CDH13: variants seen among roughly 807,000 people sequenced by gnomAD.
CDH13 encodes cadherin-13.
A neutral mutation model predicts 63.8 loss-of-function variants in CDH13; 24 were observed. That is an observed-to-expected ratio of 0.38 (90% CI 0.27 to 0.53). The LOEUF is 0.53. Ranked by LOEUF, CDH13 falls within the 20% of genes least tolerant of loss-of-function variation. The pLI, the probability that CDH13 is intolerant of heterozygous loss-of-function variation, is 0.85. For synonymous variants in CDH13, 503 were observed against 355.3 expected (o/e 1.42, Z -4.67); for missense variants, 1,049 against 903.1 (o/e 1.16, Z -2.07).
chr16:82,850,564 C>A (rs1424695607), intron 1 of CDH13, among the ~76,000 whole-genome samples: 1 of 152,146 alleles, frequency 6.6e-6, no homozygotes, highest in African/African-American at 2.4e-5. Context: ...GATAAAGCAG[C>A]AGCAGGGTTT....
intron 1 of CDH13, among the ~76,000 whole-genome samples, chr16:82,745,624 C>T (rs2034127334): frequency 6.6e-6 from 1 of 152,064 alleles, no homozygotes; most frequent in African/African-American, 2.4e-5. Context: ...CTTACTGTAC[C>T]ATATGTATGT....
intron 2 of CDH13, among the ~76,000 whole-genome samples, chr16:82,906,521 G>A (rs1277765212): frequency 6.6e-6 from 1 of 152,182 alleles, no homozygotes; most frequent in Non-Finnish European, 1.5e-5. Flanking sequence ...GGGGAGAATG[G>A]ACTGTGACAA....
intron 5 of CDH13, among the ~76,000 whole-genome samples, chr16:83,230,154 G>C (rs905509880): frequency 7.9e-5 from 12 of 152,150 alleles, no homozygotes; most frequent in African/African-American, 2.4e-4. Flanking sequence ...AGTCGTGAAT[G>C]CATTTTCTAT....
At chr16:83,345,943 T>C (rs2090830120) in intron 6 of CDH13, among the ~76,000 whole-genome samples, 1 of 152,054 alleles carries the variant, frequency 6.6e-6, no homozygotes, top group Non-Finnish European at 1.5e-5. Context: ...ATTGATGGGA[T>C]CTATCAGTGA....
At chr16:83,544,145 A>C (rs565101393) in intron 7 of CDH13, among the ~76,000 whole-genome samples, 1 of 152,332 alleles carries the variant, frequency 6.6e-6, no homozygotes, top group Non-Finnish European at 1.5e-5. Context: ...TCCCACTCGC[A>C]GTGTCTCTGA....
At chr16:82,855,950 T>C (rs2039666786) in intron 1 of CDH13, among the ~76,000 whole-genome samples, 2 of 152,196 alleles carry the variant, frequency 1.3e-5, no homozygotes, top group Admixed American at 1.3e-4. Context: ...TGATAATGAA[T>C]TTTCTTCAAC....
At position 83,319,328 on chromosome 16, in the gene CDH13, G is replaced by A. The variant is rs543879763; in HGVS notation, c.637-25534G>A. 5.3e-5 allele frequency among the ~76,000 whole-genome samples: 8 copies of A among 152,198 alleles called. No individual in the cohort carries two copies. In the South Asian group the frequency reaches 1.7e-3, roughly 32 times the overall value. On this transcript the variant is annotated intron_variant, in intron 5 of 13. Transcript: ENST00000567109. Reference sequence around the variant, plus strand: ...TCCTTCCGAAGGCGTTTATTCCTCGGTGTTTCTCTGCCAGCAAAGGTAGCA... The same window carrying A: ...TCCTTCCGAAGGCGTTTATTCCTCGATGTTTCTCTGCCAGCAAAGGTAGCA...
At chr16:83,321,525 A>ATTT (rs10672316) in intron 5 of CDH13, among the ~76,000 whole-genome samples, 15,521 of 103,546 alleles carry the variant, frequency 0.15, 1,733 homozygotes, top group East Asian at 0.17. Context: ...GAAATCTGGA[A>ATTT]TTTTTTTTTT....
intron 3 of CDH13, among the ~76,000 whole-genome samples, chr16:83,124,305 C>A (rs1220190991): frequency 6.6e-6 from 1 of 152,204 alleles, no homozygotes; most frequent in East Asian, 1.9e-4. Context: ...CCTGGCCTCC[C>A]AAAGTGCTGG....
intron 2 of CDH13, among the ~76,000 whole-genome samples, chr16:82,967,410 A>C (rs1299109351): frequency 2.0e-5 from 3 of 152,070 alleles, no homozygotes; most frequent in African/African-American, 7.2e-5. Flanking sequence ...CTCCCTGGGG[A>C]CTGAGCTCAT....
rs145684192 is a variant in CDH13 at position 83,046,996 on chromosome 16, T to A, written c.366+14778T>A. ...ATGGAAATCAGATGGTTTCCTCAAC[T>A]GTCTATCTTTCTGCAGCAAATCCTT... On this transcript the variant is annotated intron_variant, in intron 3 of 13. Transcript: ENST00000567109. Among the ~76,000 whole-genome samples the A allele has an allele frequency of 2.0e-3, 310 of 152,352 alleles. 1 individual carries two copies. Among genetic ancestry groups the A allele is most frequent in the Non-Finnish European group, 3.3e-3 (227 of 68,032 alleles).
chr16:82,965,043 T>C (rs1241293753), intron 2 of CDH13, among the ~76,000 whole-genome samples: 2 of 152,212 alleles, frequency 1.3e-5, no homozygotes, highest in African/African-American at 2.4e-5. Flanking sequence ...AAGAAAGCAG[T>C]CTGAGACTTC....
At chr16:83,761,216 T>G (rs1027038549) in intron 11 of CDH13, among the ~76,000 whole-genome samples, 2 of 152,202 alleles carry the variant, frequency 1.3e-5, no homozygotes, top group Non-Finnish European at 2.9e-5. Context: ...CCTTTGGACC[T>G]ATTTGCTTGG....
intron 6 of CDH13, among the ~76,000 whole-genome samples, chr16:83,480,227 G>A (rs954570137): frequency 1.3e-5 from 2 of 152,260 alleles, no homozygotes; most frequent in African/African-American, 4.8e-5. Flanking sequence ...GAGGTGGGAG[G>A]ATCACTTGAG....
At position 82,792,464 on chromosome 16, in the gene CDH13, C is replaced by T. The variant is rs929837933; in HGVS notation, c.46-65898C>T. Among the ~76,000 whole-genome samples the T allele has an allele frequency of 2.0e-5, 3 of 152,264 alleles. 1 individual carries two copies. In the Middle Eastern group the frequency reaches 0.01, roughly 518 times the overall value. ...ATATGTATCTGCATGTGTGCAAGTC[C>T]CAATACACAATTCAGTACAATTCTG... On this transcript the variant is annotated intron_variant, in intron 1 of 13. Coordinates refer to ENST00000567109, the MANE Select transcript of CDH13 (RefSeq NM_001257.5).
intron 6 of CDH13, among the ~76,000 whole-genome samples, chr16:83,372,051 A>T (rs1287934180): frequency 6.6e-6 from 1 of 152,216 alleles, no homozygotes; most frequent in Admixed American, 6.5e-5. Context: ...ATGCTTCCTG[A>T]TTTGAAACAT....
chr16:83,344,048 G>A (rs1248634139), intron 5 of CDH13, among the ~76,000 whole-genome samples: 1 of 152,196 alleles, frequency 6.6e-6, no homozygotes, highest in South Asian at 2.1e-4. Context: ...TCCAAATGCA[G>A]ATGCCCTTTT....
chr16:82,783,490 A>G (rs574486301), intron 1 of CDH13, among the ~76,000 whole-genome samples: 1 of 152,338 alleles, frequency 6.6e-6, no homozygotes, highest in African/African-American at 2.4e-5. Flanking sequence ...CAGAGAGGTG[A>G]GCCCCAGGAG....
At chr16:83,320,386 A>AAT (rs1296246353) in intron 5 of CDH13, among the ~76,000 whole-genome samples, 2 of 152,118 alleles carry the variant, frequency 1.3e-5, no homozygotes, top group African/African-American at 4.8e-5. Context: ...AACAGGACTT[A>AAT]TTGTCCCAAG....
Sources: allele counts gnomAD v4.1 joint callset (sites outside exome capture counted in the v4.1 genomes callset), GRCh38; gene constraint gnomAD v4.1.1; transcripts MANE v1.5; gene names NCBI Gene and HGNC (gene_info 2026-07-23, HGNC 2026-07-21).